Variants in BTN3A2 observed in about 807,000 individuals in gnomAD.
The protein encoded by BTN3A2 is butyrophilin subfamily 3 member A2.
BTN3A2 carries 25 observed loss-of-function variants against 37.6 expected under a neutral mutation model. The observed-to-expected ratio is 0.66, with a 90% confidence interval of 0.48 to 0.93. The LOEUF is 0.93. Among genes scored for constraint, BTN3A2 ranks in the 40% least tolerant of loss-of-function variants. The probability of loss-of-function intolerance (pLI) is 0.00; values close to 1 mark genes in which losing one functional copy is unlikely to be tolerated. For synonymous variants in BTN3A2, 122 were observed against 159.4 expected (o/e 0.77, Z 1.77); for missense variants, 266 against 410.9 (o/e 0.65, Z 3.05).
At chr6:26,365,762 T>C (rs1762007583) in intron 1 of BTN3A2, among the ~76,000 whole-genome samples, 1 of 152,124 alleles carries the variant, frequency 6.6e-6, no homozygotes, top group South Asian at 2.1e-4. Flanking sequence ...TTCTGAGAAA[T>C]TCTGAAGAAG....
intron 6 of BTN3A2, 30 bp from the exon 7 acceptor site, chr6:26,373,246 T>TC: frequency 2.0e-6 from 3 of 1,520,844 alleles, no homozygotes; most frequent in Non-Finnish European, 2.6e-6. Context: ...TCTTTTTTTT[T>TC]TTTTTTTTTT....
Position 26,374,320 on chromosome 6 carries a change from ATTGTAGG to A in BTN3A2, c.965-5_966del. The A allele has an allele frequency of 6.2e-7, 1 of 1,605,340 alleles. No homozygotes were observed. Among genetic ancestry groups the A allele is most frequent in the Non-Finnish European group, 8.5e-7 (1 of 1,176,592 alleles). ...CTGGTGACACCTCTACCTTTCTTTC[ATTGTAGG>A]TGGAGAGGAGTCTTCGTCCGATACC... is the stretch of plus-strand genomic sequence containing the variant. On this transcript the variant is annotated splice_acceptor_variant and splice_polypyrimidine_tract_variant and coding_sequence_variant and intron_variant, in exon 9 of 11. Coordinates refer to ENST00000377708, the MANE Select transcript of BTN3A2 (RefSeq NM_007047.5). LOFTEE classifies it high-confidence loss of function.
At position 26,367,964 on chromosome 6, in the gene BTN3A2, T is replaced by G. The variant is rs1581537179; in HGVS notation, c.-66-26T>G. On this transcript the variant is annotated intron_variant, in intron 1 of 10. Coordinates refer to ENST00000377708, the MANE Select transcript of BTN3A2 (RefSeq NM_007047.5). Reference sequence around the variant, plus strand: ...TGCAGTAGAGTCAGAGATGTCCTGATCAGATAACAGATATTATTTTTACAG... The same window carrying G: ...TGCAGTAGAGTCAGAGATGTCCTGAGCAGATAACAGATATTATTTTTACAG... 3.4e-6 allele frequency: 4 copies of G among 1,185,280 alleles called. No homozygotes were observed. In the East Asian group the frequency reaches 8.0e-5, roughly 24 times the overall value. 73.4% of individuals were successfully genotyped at this position (1,185,280 alleles called of 1,614,324 possible). A position where few individuals can be genotyped will look rare whatever the true frequency, so the allele number is the denominator to read the frequency against.
At chr6:26,365,559 C>A (rs958589689) in intron 1 of BTN3A2, among the ~76,000 whole-genome samples, 2 of 150,442 alleles carry the variant, frequency 1.3e-5, no homozygotes, top group African/African-American at 4.9e-5. Context: ...CATATGGGCA[C>A]GTGGGAAGAC....
chr6:26,365,188 T>G, upstream of BTN3A2: 8 of 1,021,300 alleles, frequency 7.8e-6, no homozygotes, highest in South Asian at 1.1e-4. Context: ...AACTAATTCT[T>G]CCAAAGAGCG....
intron 1 of BTN3A2, among the ~76,000 whole-genome samples, chr6:26,366,449 G>C (rs1347905038): frequency 1.3e-5 from 2 of 152,148 alleles, no homozygotes; most frequent in Non-Finnish European, 2.9e-5. Context: ...TATAACTACA[G>C]AGTATTTAAG....
intron 8 of BTN3A2, 168 bp downstream of exon 8, chr6:26,373,581 C>T (rs1760369894): frequency 2.9e-5 from 8 of 271,952 alleles, no homozygotes; most frequent in South Asian, 1.2e-4. Flanking sequence ...AGTGCTTTTT[C>T]TCTCTAGAAA....
At chr6:26,370,185 C>T (rs1325295662) in intron 4 of BTN3A2, 137 bp from the exon 5 acceptor site, 2 of 1,214,580 alleles carry the variant, frequency 1.6e-6, no homozygotes, top group Admixed American at 5.1e-5. Context: ...TTCCCCTCAT[C>T]ATGACCACAC....
At position 26,368,269 on chromosome 6, in the gene BTN3A2, T is replaced by A; in HGVS notation, c.85+2T>A. 1 of 1,614,144 alleles carries A rather than the reference T, an allele frequency of 6.2e-7. No individual in the cohort carries two copies. Among genetic ancestry groups the A allele is most frequent in the Middle Eastern group, 1.6e-4 (1 of 6,062 alleles). ...TCCAGCTGCTCACTCCTTGCTCAGG[T>A]AGGGAATGATTCCATGATTCCACAT... is the stretch of plus-strand genomic sequence containing the variant. On this transcript the variant is annotated splice_donor_variant, in intron 3 of 10. Coordinates refer to ENST00000377708, the MANE Select transcript of BTN3A2 (RefSeq NM_007047.5). LOFTEE classifies it high-confidence loss of function.
At chr6:26,371,235 A>G (rs1038363959) in intron 5 of BTN3A2, among the ~76,000 whole-genome samples, 2 of 152,178 alleles carry the variant, frequency 1.3e-5, no homozygotes, top group African/African-American at 4.8e-5. Flanking sequence ...CACTCCAGCC[A>G]GGATTACAGA....
chr6:26,376,757 G>T lies in BTN3A2; in HGVS notation c.*995G>T, dbSNP rs939217832. 2 of 1,606,448 alleles carry T rather than the reference G, an allele frequency of 1.2e-6. No homozygotes were observed. The highest frequency in any genetic ancestry group is 1.7e-6 in the Non-Finnish European group (2 of 1,173,244). ...AGAGACACTACTGGGAGGTGGAAGTGGGGGACAGAAAAGAGTGGCATATTG... is the reference window on the plus strand; with the variant it reads ...AGAGACACTACTGGGAGGTGGAAGTTGGGGACAGAAAAGAGTGGCATATTG... On this transcript the variant is annotated 3_prime_UTR_variant, in exon 11 of 11. Transcript: ENST00000377708.
Position 26,365,288 on chromosome 6 carries a change from T to C in BTN3A2, c.-131T>C, listed in dbSNP as rs1761937556. On this transcript the variant is annotated 5_prime_UTR_variant, in exon 1 of 11. The change abolishes an upstream ATG in the 5' untranslated region. Transcript: ENST00000377708. ...AGAGGCTAAGCCATAATAGAAAGAA[T>C]GGAGAATTATTGATTGACCGTCTTT... 6.5e-7 allele frequency: 1 copy of C among 1,532,680 alleles called. No homozygotes were observed. Among genetic ancestry groups the C allele is most frequent in the African/African-American group, 1.4e-5 (1 of 73,096 alleles). 94.9% of individuals were successfully genotyped at this position (1,532,680 alleles called of 1,614,324 possible).
Position 26,376,229 on chromosome 6 carries a change from A to AG in BTN3A2, c.*467_*468insG, listed in dbSNP as rs1242029477. The AG allele has an allele frequency of 2.8e-4, 47 of 167,174 alleles. No individual in the cohort carries two copies. Among genetic ancestry groups the AG allele is most frequent in the Non-Finnish European group, 4.9e-4 (38 of 77,720 alleles). The allele number at this position is 167,174 out of a possible 1,614,324, so 10.4% of individuals were successfully genotyped here. ...CTCTGTCTCAAGAAAAAAAAAAAAA[A>AG]AAAAAAAGAAAAGAAAATTAACCTC... On this transcript the variant is annotated 3_prime_UTR_variant, in exon 11 of 11. Transcript: ENST00000377708.
intron 9 of BTN3A2, 187 bp downstream of exon 9, chr6:26,374,560 C>T: frequency 1.2e-6 from 1 of 841,518 alleles, no homozygotes; most frequent in Non-Finnish European, 1.9e-6. Flanking sequence ...AAAGCCTGGC[C>T]ATGCATCCTG....
intron 5 of BTN3A2, among the ~76,000 whole-genome samples, chr6:26,371,805 A>G (rs1760144609): frequency 6.6e-6 from 1 of 151,956 alleles, no homozygotes; most frequent in African/African-American, 2.4e-5. Context: ...CAATCTCCCA[A>G]GTAGCTGAGA....
intron 5 of BTN3A2, among the ~76,000 whole-genome samples, chr6:26,371,709 C>T (rs1438240253): frequency 1.3e-5 from 2 of 151,600 alleles, no homozygotes; most frequent in African/African-American, 2.4e-5. Flanking sequence ...GACAAAGTCT[C>T]ACTCTATTGC....
At chr6:26,374,857 C>A in intron 10 of BTN3A2, 59 bp downstream of exon 10, 1 of 1,458,156 alleles carries the variant, frequency 6.9e-7, no homozygotes, top group Non-Finnish European at 9.4e-7. Flanking sequence ...ATTCCTTTTT[C>A]CTTTTTTCTT....
chr6:26,372,989 T>C lies in BTN3A2; in HGVS notation c.808T>C (p.Leu270=). ...LLLLAGASYF[L]WRQQKEITAL... ...GCTTCTCGCCGGAGCCAGTTACTTC[T>C]TGTGGAGACAACAGAAGGAAATAAC... The change falls in exon 6 of 11, where the codon TTG becomes CTG. Residue 270 remains leucine, a synonymous_variant. Coordinates refer to ENST00000377708, the MANE Select transcript of BTN3A2 (RefSeq NM_007047.5). 1 of 1,614,246 alleles carries C rather than the reference T, an allele frequency of 6.2e-7. No individual in the cohort carries two copies. The highest frequency in any genetic ancestry group is 8.5e-7 in the Non-Finnish European group (1 of 1,180,046).
At chr6:26,374,585 C>G (rs72841532) in intron 9 of BTN3A2, 186 bp from the exon 10 acceptor site, 29,884 of 854,732 alleles carry the variant, frequency 0.035, 622 homozygotes, top group South Asian at 0.047. Context: ...CCCCATGACA[C>G]AGGGAGCCAA....
Sources: gnomAD v4.1 joint callset for allele counts (sites outside exome capture counted in the v4.1 genomes callset) on GRCh38, gnomAD v4.1.1 for gene constraint, MANE v1.5 for transcripts, NCBI Gene and HGNC (gene_info 2026-07-23, HGNC 2026-07-21) for gene names.